Variants in ALDH1L2 observed in about 807,000 individuals in gnomAD.
The protein encoded by ALDH1L2 is mitochondrial 10-formyltetrahydrofolate dehydrogenase.
Under a neutral mutation model 111.0 loss-of-function variants are expected in ALDH1L2, and 91 were observed. The ratio of observed to expected loss-of-function variants is 0.82; its 90% CI spans 0.69 to 0.98. The LOEUF is 0.98. ALDH1L2 is among the 50% of genes least tolerant of loss of function. The probability of loss-of-function intolerance (pLI) is 0.00; values close to 1 mark genes in which losing one functional copy is unlikely to be tolerated. For synonymous variants in ALDH1L2, 374 were observed against 392.6 expected (o/e 0.95, Z 0.56); for missense variants, 995 against 1,126.8 (o/e 0.88, Z 1.67).
intron 13 of ALDH1L2, among the ~76,000 whole-genome samples, chr12:105,049,354 C>T (rs545253488): frequency 1.1e-4 from 17 of 152,320 alleles, no homozygotes; most frequent in African/African-American, 3.1e-4. Flanking sequence ...CCTTTGTTTG[C>T]TCACATGTAA....
rs1475780233 is a variant in ALDH1L2, at chr12:105,034,295, C to G, written c.2244+5G>C. 4.3e-6 allele frequency: 7 copies of G among 1,613,242 alleles called. No individual in the cohort carries two copies. Among genetic ancestry groups the G allele is most frequent in the Admixed American group, 3.3e-5 (2 of 59,920 alleles). ...CAACTCAGAGTAAATGTGAAGGTGC[C>G]TCACCACTCTTGTCACAAATTCGTC... is the stretch of plus-strand genomic sequence containing the variant. On this transcript the variant is annotated splice_donor_5th_base_variant and intron_variant, in intron 19 of 22. Coordinates refer to ENST00000258494, the MANE Select transcript of ALDH1L2 (RefSeq NM_001034173.4).
chr12:105,064,059 T>A (rs1877185490), intron 6 of ALDH1L2, among the ~76,000 whole-genome samples: 1 of 141,168 alleles, frequency 7.1e-6, no homozygotes, highest in African/African-American at 2.6e-5. Context: ...CAAATGATTC[T>A]CCTGCCTTAG....
intron 9 of ALDH1L2, among the ~76,000 whole-genome samples, chr12:105,059,435 G>A (rs569215768): frequency 1.3e-5 from 2 of 152,144 alleles, no homozygotes; most frequent in Non-Finnish European, 2.9e-5. Context: ...GTGCAAGTGA[G>A]CTGTGATCAC....
chr12:105,064,943 C>T (rs1448279179), intron 6 of ALDH1L2, among the ~76,000 whole-genome samples: 2 of 152,208 alleles, frequency 1.3e-5, no homozygotes, highest in Non-Finnish European at 2.9e-5. Context: ...TAACTCTTCT[C>T]GAGCAAAGCA....
chr12:105,033,877 A>G lies in ALDH1L2; in HGVS notation c.2244+423T>C, dbSNP rs117311890. ...GTAACTCTCACAATGTCAAGGATCT[A>G]ATATATTACAAATGTAGAGTAAGGT... On this transcript the variant is annotated intron_variant, in intron 19 of 22. Coordinates refer to ENST00000258494, the MANE Select transcript of ALDH1L2 (RefSeq NM_001034173.4). Among the ~76,000 whole-genome samples, 202 of 152,330 alleles carry G rather than the reference A, an allele frequency of 1.3e-3. 4 individuals are homozygous for G. In the East Asian group the frequency reaches 0.035, roughly 26 times the overall value.
intron 1 of ALDH1L2, among the ~76,000 whole-genome samples, chr12:105,076,505 G>A (rs117648785): frequency 2.7e-3 from 412 of 152,316 alleles, no homozygotes; most frequent in Admixed American, 3.5e-3. Context: ...GCTGCTAAGA[G>A]GCAGCCCTGA....
At chr12:105,053,191 A>G (rs192844405) in intron 10 of ALDH1L2, among the ~76,000 whole-genome samples, 1 of 152,306 alleles carries the variant, frequency 6.6e-6, no homozygotes, top group African/African-American at 2.4e-5. Flanking sequence ...TTCTTAACAG[A>G]TAAAAGGTAA....
At chr12:105,044,188 G>T (rs1875702172) in intron 15 of ALDH1L2, among the ~76,000 whole-genome samples, 1 of 152,180 alleles carries the variant, frequency 6.6e-6, no homozygotes, top group South Asian at 2.1e-4. Context: ...GAAACTTTGT[G>T]TATCTTCATC....
chr12:105,057,622 CATT>C (rs1876713560), intron 10 of ALDH1L2, among the ~76,000 whole-genome samples: 1 of 152,092 alleles, frequency 6.6e-6, no homozygotes, highest in Non-Finnish European at 1.5e-5. Context: ...ACGTTGGACA[CATT>C]ATGCTAAGAG....
chr12:105,073,162 C>T (rs139860620), intron 2 of ALDH1L2, among the ~76,000 whole-genome samples: 1 of 151,964 alleles, frequency 6.6e-6, no homozygotes, highest in East Asian at 1.9e-4. Flanking sequence ...GTACATTAAT[C>T]TAATTTAATC....
At chr12:105,053,600 T>A (rs138874437) in intron 10 of ALDH1L2, among the ~76,000 whole-genome samples, 2 of 152,330 alleles carry the variant, frequency 1.3e-5, no homozygotes, top group Admixed American at 1.3e-4. Flanking sequence ...AGAGGAATTG[T>A]CAGTGCTTTA....
chr12:105,023,559 G>A lies in ALDH1L2; in HGVS notation c.*865C>T, dbSNP rs1254881811. 6.6e-6 allele frequency: 1 copy of A among 152,180 alleles called. No individual in the cohort carries two copies. The highest frequency in any genetic ancestry group is 1.5e-5 in the Non-Finnish European group (1 of 68,026). The allele number at this position is 152,180 out of a possible 1,614,324, so 9.4% of individuals were successfully genotyped here. A position where few individuals can be genotyped will look rare whatever the true frequency, so the allele number is the denominator to read the frequency against. ...TACTTACCATGAGCAAAGCATTAAT[G>A]TGAGGTGCTTTACTTACATTACTGC... On this transcript the variant is annotated 3_prime_UTR_variant, in exon 23 of 23. Coordinates refer to ENST00000258494, the MANE Select transcript of ALDH1L2 (RefSeq NM_001034173.4).
intron 10 of ALDH1L2, among the ~76,000 whole-genome samples, chr12:105,056,251 A>G (rs1876623941): frequency 1.3e-5 from 2 of 152,202 alleles, no homozygotes; most frequent in African/African-American, 4.8e-5. Flanking sequence ...AGGCAATACG[A>G]TGAAATACTT....
Position 105,039,735 on chromosome 12 carries a change from T to A in ALDH1L2, c.2023A>T (p.Ile675Phe), listed in dbSNP as rs372958090. The A allele has an allele frequency of 6.2e-7, 1 of 1,613,878 alleles. No individual in the cohort carries two copies. Among genetic ancestry groups the A allele is most frequent in the South Asian group, 1.1e-5 (1 of 91,068 alleles). ...TACCTCTTCATGATCTGTTTGCCAA[T>A]AGGAGTGGATCCAGTGAAACCAAGT... ...RKLGFTGSTP[I>F]GKQIMKSCAV... Residue 675 changes from isoleucine to phenylalanine, a missense_variant, in exon 17 of 23, where the codon ATT (isoleucine) becomes TTT (phenylalanine). Physicochemically the swap from Ile to Phe is conservative, Grantham distance 21. Coordinates refer to ENST00000258494, the MANE Select transcript of ALDH1L2 (RefSeq NM_001034173.4).
intron 9 of ALDH1L2, among the ~76,000 whole-genome samples, chr12:105,059,054 G>A (rs1049174845): frequency 4.6e-5 from 7 of 151,908 alleles, no homozygotes; most frequent in African/African-American, 1.7e-4. Context: ...GGATCACGAG[G>A]TCAGGAGATC....
chr12:105,057,986 T>C, intron 10 of ALDH1L2, 87 bp downstream of exon 10: 1 of 1,406,018 alleles, frequency 7.1e-7, no homozygotes, highest in South Asian at 1.8e-5. Context: ...GTCATAAATA[T>C]AAAAACAAAT....
At position 105,046,149 on chromosome 12, in the gene ALDH1L2, T is replaced by TTCTCTCTC. The variant is rs541003101; in HGVS notation, c.1863+553_1863+560dup. Among the ~76,000 whole-genome samples the TTCTCTCTC allele has an allele frequency of 2.9e-3, 106 of 35,968 alleles. 2 individuals carry two copies. Among genetic ancestry groups the TTCTCTCTC allele is most frequent in the African/African-American group, 4.7e-3 (38 of 8,068 alleles). The allele number at this position is 35,968 out of a possible 152,430, so 23.6% of individuals were successfully genotyped here. On this transcript the variant is annotated intron_variant, in intron 15 of 22. Transcript: ENST00000258494. ...ATGCTTTTCCCTCATCTTCTACATC[T>TTCTCTCTC]TCTCTCTCTCTCTCTCTCTCTCTCT...
rs766648664 is a variant in ALDH1L2 at position 105,030,376 on chromosome 12, C to A, written c.2464G>T (p.Ala822Ser). 3 of 1,613,204 alleles carry A rather than the reference C, an allele frequency of 1.9e-6. No homozygotes were observed. The highest frequency in any genetic ancestry group is 2.7e-5 in the African/African-American group (2 of 74,970). The part of the protein sequence containing the change: ...FTDVEDYMYL[A>S]KEESFGPIMV... ...ATAGGCCCAAAGGATTCCTCTTTGG[C>A]GAGGTACATGTAGTCTTCCACATCT... is the stretch of plus-strand genomic sequence containing the variant. The change falls in exon 21 of 23, where the codon GCC (alanine) becomes TCC (serine). Residue 822 changes from alanine to serine, a missense_variant. Ala to Ser is a moderately conservative substitution (Grantham distance 99). Transcript: ENST00000258494.
intron 2 of ALDH1L2, among the ~76,000 whole-genome samples, chr12:105,071,894 G>T (rs895163507): frequency 6.7e-6 from 1 of 148,962 alleles, no homozygotes; most frequent in Non-Finnish European, 1.5e-5. Context: ...TGAGACCAGC[G>T]TGGACAACAT....
Sources: allele counts gnomAD v4.1 joint callset (sites outside exome capture counted in the v4.1 genomes callset), GRCh38; gene constraint gnomAD v4.1.1; transcripts MANE v1.5; gene names NCBI Gene and HGNC (gene_info 2026-07-23, HGNC 2026-07-21).